The following SHANK2 variants were observed in gnomAD, a reference collection of about 807,000 sequenced individuals.
SHANK2 encodes SH3 and multiple ankyrin repeat domains 2.
SHANK2 carries 43 observed loss-of-function variants against 133.7 expected under a neutral mutation model. That is an observed-to-expected ratio of 0.32 (90% CI 0.25 to 0.41). The LOEUF (loss-of-function observed/expected upper bound fraction) is 0.41. Among genes scored for constraint, SHANK2 ranks in the 10% least tolerant of loss-of-function variants. The probability of loss-of-function intolerance (pLI) is 1.00; values close to 1 mark genes in which losing one functional copy is unlikely to be tolerated. For missense variants in SHANK2, 1,994 were observed against 2,235.8 expected (o/e 0.89, Z 2.18); for synonymous variants, 1,017 against 952.8 (o/e 1.07, Z -1.24).
intron 11 of SHANK2, among the ~76,000 whole-genome samples, chr11:70,854,999 G>C (rs926690388): frequency 2.0e-5 from 3 of 152,232 alleles, no homozygotes; most frequent in Non-Finnish European, 4.4e-5. Flanking sequence ...GTTCATGACT[G>C]TCCATCAATC....
At chr11:71,248,877 C>G (rs1304130891) in intron 1 of SHANK2, among the ~76,000 whole-genome samples, 2 of 152,208 alleles carry the variant, frequency 1.3e-5, no homozygotes, top group Non-Finnish European at 2.9e-5. Flanking sequence ...ATCACAAGCC[C>G]TGTCACAACA....
intron 10 of SHANK2, among the ~76,000 whole-genome samples, chr11:70,927,732 G>A (rs1950448537): frequency 6.6e-6 from 1 of 152,150 alleles, no homozygotes; most frequent in Non-Finnish European, 1.5e-5. Context: ...CTATTTGGGA[G>A]GCTGTTCCTG....
At chr11:71,114,316 C>T (rs561945696) in intron 4 of SHANK2, among the ~76,000 whole-genome samples, 88 of 152,268 alleles carry the variant, frequency 5.8e-4, no homozygotes, top group African/African-American at 1.8e-3. Context: ...TCACCCTGCA[C>T]GGTTACACAT....
intron 14 of SHANK2, among the ~76,000 whole-genome samples, chr11:70,728,820 C>G (rs12280681): frequency 0.02 from 3,108 of 152,286 alleles, 132 homozygotes; most frequent in African/African-American, 0.071. Context: ...CGTAAGGAGG[C>G]CTGCAGCTAA....
At chr11:70,937,876 C>T (rs1950592860) in intron 10 of SHANK2, among the ~76,000 whole-genome samples, 1 of 151,728 alleles carries the variant, frequency 6.6e-6, no homozygotes. Context: ...GGGTGTGTGA[C>T]CTCTCAGAAG....
At chr11:70,910,736 G>A (rs1950178491) in intron 10 of SHANK2, among the ~76,000 whole-genome samples, 1 of 151,790 alleles carries the variant, frequency 6.6e-6, no homozygotes, top group Non-Finnish European at 1.5e-5. Context: ...GAACCCGGGA[G>A]GCAGAGGTTG....
chr11:71,086,939 CT>C (rs1214936874), intron 8 of SHANK2, among the ~76,000 whole-genome samples: 1 of 152,178 alleles, frequency 6.6e-6, no homozygotes, highest in Non-Finnish European at 1.5e-5. Context: ...GAGAAAATGG[CT>C]TTCCGGGCCT....
At chr11:70,509,306 G>T (rs545488291) in intron 17 of SHANK2, among the ~76,000 whole-genome samples, 1 of 152,332 alleles carries the variant, frequency 6.6e-6, no homozygotes, top group Admixed American at 6.5e-5. Context: ...GGTCTCCAGC[G>T]CTGCCCAATG....
At chr11:70,564,963 T>C (rs1294920955) in intron 17 of SHANK2, among the ~76,000 whole-genome samples, 1 of 152,252 alleles carries the variant, frequency 6.6e-6, no homozygotes, top group East Asian at 1.9e-4. Context: ...TTTTTGGACA[T>C]ATGGAATACA....
chr11:70,803,317 C>T (rs1555050969), intron 13 of SHANK2, among the ~76,000 whole-genome samples: 1 of 1,166 alleles, frequency 8.6e-4, no homozygotes, highest in African/African-American at 2.5e-3. Flanking sequence ...CATCTTCCAG[C>T]CTACCCATCC....
intron 11 of SHANK2, among the ~76,000 whole-genome samples, chr11:70,884,039 C>T (rs543339775): frequency 2.6e-4 from 39 of 152,268 alleles, no homozygotes; most frequent in Non-Finnish European, 4.0e-4. Context: ...GGGTGGGTGG[C>T]GCTCAGGGGC....
intron 3 of SHANK2, among the ~76,000 whole-genome samples, chr11:71,137,638 C>T (rs11232214): frequency 0.097 from 14,826 of 152,170 alleles, 1,809 homozygotes; most frequent in African/African-American, 0.29. Context: ...CTCCCGCCAC[C>T]CACTCCCTGG....
chr11:70,746,029 G>A (rs1444666541), intron 14 of SHANK2, among the ~76,000 whole-genome samples: 2 of 152,332 alleles, frequency 1.3e-5, no homozygotes, highest in East Asian at 3.9e-4. Context: ...CCCAGGGCCT[G>A]GGGGCTTTCA....
intron 2 of SHANK2, among the ~76,000 whole-genome samples, chr11:71,218,342 G>A (rs1248288393): frequency 3.0e-5 from 4 of 133,006 alleles, no homozygotes; most frequent in Admixed American, 1.8e-4. Flanking sequence ...TTGCCTCACC[G>A]CAACCTGCGC....
At chr11:70,484,654 T>C (rs77111907) in intron 25 of SHANK2, among the ~76,000 whole-genome samples, 3,519 of 152,308 alleles carry the variant, frequency 0.023, 126 homozygotes, top group African/African-American at 0.08. Flanking sequence ...TCCTGACTTA[T>C]TCTACGTTCA....
chr11:70,791,016 G>A (rs577098478), intron 14 of SHANK2, among the ~76,000 whole-genome samples: 10 of 152,276 alleles, frequency 6.6e-5, no homozygotes, highest in South Asian at 4.1e-4. Context: ...AAATCAGCCC[G>A]TCTGCTGACC....
At position 70,828,104 on chromosome 11, in the gene SHANK2, C is replaced by T. The variant is rs187134301; in HGVS notation, c.1175-7422G>A. On this transcript the variant is annotated intron_variant, in intron 11 of 25. Transcript: ENST00000601538. ...GACCAGCCTGGGCAACACAGTGAGA[C>T]CCCGTTTCCATGAAAAATAATTTAA... 2.5e-3 allele frequency among the ~76,000 whole-genome samples: 384 copies of T among 152,258 alleles called. 2 individuals are homozygous for T. The highest frequency in any genetic ancestry group is 4.4e-3 in the Non-Finnish European group (301 of 68,018).
chr11:71,205,989 G>A lies in SHANK2; in HGVS notation c.-13+18708C>T, dbSNP rs78706311. ...CTCCAATCAGGGCTGAGCTCTCATCGGCCCCATCCCCATCCAGAGAGGAGC... is the reference window on the plus strand; with the variant it reads ...CTCCAATCAGGGCTGAGCTCTCATCAGCCCCATCCCCATCCAGAGAGGAGC... On this transcript the variant is annotated intron_variant, in intron 2 of 25. Coordinates refer to ENST00000601538, the MANE Select transcript of SHANK2 (RefSeq NM_012309.5). 9.3e-4 allele frequency among the ~76,000 whole-genome samples: 141 copies of A among 152,262 alleles called. 1 individual carries two copies. In the East Asian group the frequency reaches 0.022, roughly 23 times the overall value.
At chr11:70,578,057 C>T (rs959590618) in intron 17 of SHANK2, among the ~76,000 whole-genome samples, 4 of 152,164 alleles carry the variant, frequency 2.6e-5, no homozygotes, top group South Asian at 2.1e-4. Flanking sequence ...ACCAACGTCC[C>T]GTGTAAGCCG....
Sources: gnomAD v4.1 joint callset for allele counts (sites outside exome capture counted in the v4.1 genomes callset) on GRCh38, gnomAD v4.1.1 for gene constraint, MANE v1.5 for transcripts, NCBI Gene and HGNC (gene_info 2026-07-23, HGNC 2026-07-21) for gene names.